Variants in FRAS1 observed in about 807,000 individuals in gnomAD.
The protein encoded by FRAS1 is Fraser extracellular matrix complex subunit 1.
Under a neutral mutation model 435.2 loss-of-function variants are expected in FRAS1, and 290 were observed. That is an observed-to-expected ratio of 0.67 (90% CI 0.61 to 0.73). The LOEUF is 0.73. FRAS1 is among the 30% of genes least tolerant of loss of function. FRAS1 has a pLI of 0.00. For missense variants in FRAS1, 4,860 were observed against 5,001.5 expected, an observed-to-expected ratio of 0.97 and a Z score of 0.85; for synonymous variants, 1,800 against 1,851.0, an observed-to-expected ratio of 0.97 and a Z score of 0.71.
At chr4:78,224,360 A>G (rs1560589440) in intron 2 of FRAS1, among the ~76,000 whole-genome samples, 1 of 152,238 alleles carries the variant, frequency 6.6e-6, no homozygotes, top group Admixed American at 6.5e-5. Flanking sequence ...AGTAGTGGTA[A>G]TAACTACTTC....
intron 14 of FRAS1, among the ~76,000 whole-genome samples, chr4:78,304,571 A>G (rs1425943798): frequency 1.3e-5 from 2 of 151,902 alleles, no homozygotes; most frequent in Non-Finnish European, 2.9e-5. Context: ...CAGAGATTCA[A>G]CTTCTTCCTG....
intron 9 of FRAS1, among the ~76,000 whole-genome samples, chr4:78,277,722 A>T (rs768980048): frequency 1.1e-4 from 16 of 152,176 alleles, no homozygotes; most frequent in Non-Finnish European, 1.8e-4. Context: ...TTTTAAAATT[A>T]TTGATATTGG....
chr4:78,210,729 G>C (rs1723468088), intron 2 of FRAS1, among the ~76,000 whole-genome samples: 1 of 152,214 alleles, frequency 6.6e-6, no homozygotes, highest in African/African-American at 2.4e-5. Flanking sequence ...CAGCATCTGA[G>C]ACAGAGAAGG....
intron 2 of FRAS1, among the ~76,000 whole-genome samples, chr4:78,211,992 A>G (rs991437259): frequency 2.6e-5 from 4 of 152,168 alleles, no homozygotes; most frequent in African/African-American, 7.2e-5. Flanking sequence ...GTATGTTTTC[A>G]AGGTTCATCT....
Position 78,438,631 on chromosome 4 carries a change from C to T in FRAS1, c.5279C>T (p.Thr1760Ile). 6.2e-7 allele frequency: 1 copy of T among 1,613,604 alleles called. No homozygotes were observed. The highest frequency in any genetic ancestry group is 8.5e-7 in the Non-Finnish European group (1 of 1,179,568). The change falls in exon 39 of 74, where the codon ACT becomes ATT. Residue 1760 changes from threonine (T) to isoleucine (I), a missense_variant. Coordinates refer to ENST00000512123, the MANE Select transcript of FRAS1 (RefSeq NM_025074.7). Reference protein sequence around the residue: ...IQLNYLPSYGTLLRISGSEVE... With the variant: ...IQLNYLPSYGILLRISGSEVE... The stretch of plus-strand genomic sequence containing the variant: ...TTAAATTATCTGCCCTCATATGGTA[C>T]TCTCTTAAGAATCTCAGGATCTGAG...
chr4:78,186,382 G>T (rs564898042), intron 2 of FRAS1, among the ~76,000 whole-genome samples: 2 of 152,118 alleles, frequency 1.3e-5, no homozygotes, highest in African/African-American at 4.8e-5. Flanking sequence ...ATATTTAATA[G>T]CATATTTTGC....
intron 2 of FRAS1, among the ~76,000 whole-genome samples, chr4:78,116,640 C>G (rs1280590530): frequency 1.3e-5 from 2 of 152,158 alleles, no homozygotes; most frequent in Non-Finnish European, 2.9e-5. Context: ...TTATCAGAGA[C>G]TAGGATTGCA....
intron 12 of FRAS1, among the ~76,000 whole-genome samples, chr4:78,283,817 T>C (rs773335249): frequency 2.0e-5 from 3 of 152,206 alleles, no homozygotes; most frequent in Non-Finnish European, 2.9e-5. Flanking sequence ...TATTATGCAC[T>C]ATATATATTG....
At chr4:78,370,574 T>C (rs1331597343) in intron 23 of FRAS1, among the ~76,000 whole-genome samples, 1 of 152,214 alleles carries the variant, frequency 6.6e-6, no homozygotes, top group Non-Finnish European at 1.5e-5. Flanking sequence ...AGGCCTATTC[T>C]GAAGATACAT....
chr4:78,174,113 G>C (rs1216932571), intron 2 of FRAS1, among the ~76,000 whole-genome samples: 2 of 152,072 alleles, frequency 1.3e-5, no homozygotes, highest in East Asian at 1.9e-4. Flanking sequence ...TTTATTTTTA[G>C]GACCAGTCTC....
chr4:78,281,281 C>T (rs1045625171), intron 10 of FRAS1, 117 bp from the exon 11 acceptor site: 2 of 648,546 alleles, frequency 3.1e-6, no homozygotes, highest in Non-Finnish European at 5.3e-6. Flanking sequence ...TATTCATAAC[C>T]AGTGAATAAA....
In FRAS1 at chr4:78,407,745, C is replaced by CCCCA; in HGVS notation, c.4215_4218dup (p.Ser1407HisfsTer11). On this transcript the variant is annotated frameshift_variant, in exon 31 of 74. Transcript: ENST00000512123. LOFTEE classifies it high-confidence loss of function. The stretch of plus-strand genomic sequence containing the variant: ...ACCTGCCTGATGGGAGGACAGCTAC[C>CCCCA]CCCACCAGCACCTTCACCCAGCAGG... The CCCCA allele has an allele frequency of 6.2e-7, 1 of 1,613,750 alleles. No individual in the cohort carries two copies. Among genetic ancestry groups the CCCCA allele is most frequent in the Non-Finnish European group, 8.5e-7 (1 of 1,179,782 alleles).
In FRAS1 at chr4:78,386,006, G is replaced by A. The variant is rs140164454; in HGVS notation, c.3649-1369G>A. Among the ~76,000 whole-genome samples, 7 of 151,854 alleles carry A rather than the reference G, an allele frequency of 4.6e-5. No individual in the cohort carries two copies. In the East Asian group the frequency reaches 7.7e-4, roughly 17 times the overall value. ...TCCTTACACTCAGAAACTTTGTTTC[G>A]TTCTTTTTGTTTGAGCTAATAAAGT... is the stretch of plus-strand genomic sequence containing the variant. On this transcript the variant is annotated intron_variant, in intron 28 of 73. Coordinates refer to ENST00000512123, the MANE Select transcript of FRAS1 (RefSeq NM_025074.7).
intron 2 of FRAS1, among the ~76,000 whole-genome samples, chr4:78,098,060 A>G (rs1057004914): frequency 2.6e-5 from 4 of 152,082 alleles, no homozygotes; most frequent in Admixed American, 2.0e-4. Flanking sequence ...CTCAGCCTGT[A>G]GTAATTCGTT....
intron 30 of FRAS1, among the ~76,000 whole-genome samples, chr4:78,401,914 C>T (rs1732909469): frequency 6.6e-6 from 1 of 151,624 alleles, no homozygotes; most frequent in Non-Finnish European, 1.5e-5. Context: ...AGAAGGCCTA[C>T]TCTCTGCTAG....
intron 1 of FRAS1, among the ~76,000 whole-genome samples, chr4:78,059,558 G>A (rs919465393): frequency 6.6e-6 from 1 of 151,002 alleles, no homozygotes; most frequent in African/African-American, 2.4e-5. Context: ...TAAACCAGAT[G>A]AGAGAGTCAC....
At chr4:78,129,541 C>G (rs1260467029) in intron 2 of FRAS1, among the ~76,000 whole-genome samples, 3 of 136,188 alleles carry the variant, frequency 2.2e-5, no homozygotes, top group African/African-American at 1.1e-4. Context: ...ATGCACAGAA[C>G]AGGGTAGTGG....
chr4:78,084,038 T>G (rs1741027704), intron 2 of FRAS1, among the ~76,000 whole-genome samples: 1 of 152,108 alleles, frequency 6.6e-6, no homozygotes, highest in Non-Finnish European at 1.5e-5. Context: ...TTCAGAATAA[T>G]TATTTGATTT....
intron 2 of FRAS1, among the ~76,000 whole-genome samples, chr4:78,090,415 T>G (rs904822383): frequency 1.3e-5 from 2 of 152,214 alleles, no homozygotes; most frequent in Non-Finnish European, 2.9e-5. Flanking sequence ...GTCTGGAAAT[T>G]ATACTAAGTT....
Sources: gnomAD v4.1 joint callset for allele counts (sites outside exome capture counted in the v4.1 genomes callset) on GRCh38, gnomAD v4.1.1 for gene constraint, MANE v1.5 for transcripts, NCBI Gene and HGNC (gene_info 2026-07-23, HGNC 2026-07-21) for gene names.